Variants in EFL1 observed in about 807,000 individuals in gnomAD.
EFL1 encodes the protein elongation factor-like GTPase 1.
A neutral mutation model predicts 126.7 loss-of-function variants in EFL1; 76 were observed. The observed-to-expected ratio is 0.60, with a 90% CI of 0.50 to 0.73. The LOEUF (loss-of-function observed/expected upper bound fraction) is 0.73, where lower values mean the gene tolerates loss of function less well. EFL1 is among the 30% of genes least tolerant of loss of function. The pLI, the probability that EFL1 is intolerant of heterozygous loss-of-function variation, is 0.00. For missense variants in EFL1, 1,128 were observed against 1,343.2 expected, an observed-to-expected ratio of 0.84 and a Z score of 2.50; for synonymous variants, 410 against 448.4, an observed-to-expected ratio of 0.91 and a Z score of 1.08.
In EFL1 at chr15:82,243,730, C is replaced by T. The variant is rs535565345; in HGVS notation, c.245-2327G>A. Among the ~76,000 whole-genome samples, 980 of 143,088 alleles carry T rather than the reference C, an allele frequency of 6.8e-3. 4 individuals are homozygous for T. Among genetic ancestry groups the T allele is most frequent in the Non-Finnish European group, 0.012 (763 of 66,144 alleles). 93.9% of individuals were successfully genotyped at this position (143,088 alleles called of 152,430 possible). A position where few individuals can be genotyped will look rare whatever the true frequency, so the allele number is the denominator to read the frequency against. ...AGTTACAGACCTTTTAGGGAATAGTCAGAAAAACGAATACCTATCTACTTA... is the reference window on the plus strand; with the variant it reads ...AGTTACAGACCTTTTAGGGAATAGTTAGAAAAACGAATACCTATCTACTTA... On this transcript the variant is annotated intron_variant, in intron 4 of 19. Coordinates refer to ENST00000268206, the MANE Select transcript of EFL1 (RefSeq NM_024580.6).
chr15:82,132,457 C>G (rs150053176), intron 19 of EFL1, among the ~76,000 whole-genome samples: 2 of 152,138 alleles, frequency 1.3e-5, no homozygotes. Context: ...CATATTACCT[C>G]TCATGGACAC....
intron 4 of EFL1, among the ~76,000 whole-genome samples, chr15:82,244,207 G>GA (rs1356163515): frequency 6.6e-6 from 1 of 151,952 alleles, no homozygotes; most frequent in Non-Finnish European, 1.5e-5. Flanking sequence ...ATCCATTAGA[G>GA]AAAAAACGTC....
At chr15:82,244,044 A>G (rs2074949112) in intron 4 of EFL1, among the ~76,000 whole-genome samples, 1 of 152,134 alleles carries the variant, frequency 6.6e-6, no homozygotes, top group South Asian at 2.1e-4. Flanking sequence ...TAATGGTGAG[A>G]AGGAGGAAAT....
chr15:82,204,144 T>C (rs1701046153), intron 15 of EFL1, among the ~76,000 whole-genome samples: 1 of 152,212 alleles, frequency 6.6e-6, no homozygotes, highest in Admixed American at 6.5e-5. Flanking sequence ...ATTTCCTTGA[T>C]TACTTCACAT....
At chr15:82,248,712 T>C (rs2074995018) in intron 4 of EFL1, among the ~76,000 whole-genome samples, 1 of 152,138 alleles carries the variant, frequency 6.6e-6, no homozygotes, top group Admixed American at 6.5e-5. Context: ...AGCTAGACTA[T>C]ATGCCTAAGG....
intron 15 of EFL1, among the ~76,000 whole-genome samples, chr15:82,176,648 G>C (rs781286428): frequency 1.3e-5 from 2 of 152,048 alleles, no homozygotes; most frequent in African/African-American, 2.4e-5. Context: ...AAAATGACTC[G>C]AATGAAAGCA....
intron 15 of EFL1, among the ~76,000 whole-genome samples, chr15:82,189,124 C>T (rs1480857057): frequency 2.6e-5 from 4 of 152,076 alleles, no homozygotes; most frequent in African/African-American, 9.7e-5. Flanking sequence ...GACTACAAAC[C>T]TATACGCCGT....
At position 82,230,984 on chromosome 15, in the gene EFL1, C is replaced by A; in HGVS notation, c.732-13G>T. 1.2e-6 allele frequency: 2 copies of A among 1,607,616 alleles called. No homozygotes were observed. The highest frequency in any genetic ancestry group is 1.7e-5 in the Admixed American group (1 of 58,884). The stretch of plus-strand genomic sequence containing the variant: ...GAAGTGCTCAATTCTGAAAGAAGAC[C>A]AAATGTTCATGTTATTAATAACAAC... On this transcript the variant is annotated splice_polypyrimidine_tract_variant and intron_variant, in intron 7 of 19. Coordinates refer to ENST00000268206, the MANE Select transcript of EFL1 (RefSeq NM_024580.6).
chr15:82,238,944 C>A (rs915665146), intron 6 of EFL1, among the ~76,000 whole-genome samples: 5 of 152,104 alleles, frequency 3.3e-5, no homozygotes, highest in South Asian at 2.1e-4. Context: ...CTCTTCCCAA[C>A]TCCTAATCCT....
intron 7 of EFL1, among the ~76,000 whole-genome samples, chr15:82,235,051 G>C (rs1335408461): frequency 1.3e-5 from 2 of 152,082 alleles, no homozygotes; most frequent in African/African-American, 4.8e-5. Flanking sequence ...GAAGAAATAA[G>C]GATCCTTATA....
intron 18 of EFL1, among the ~76,000 whole-genome samples, chr15:82,150,479 G>C (rs1422307475): frequency 6.6e-6 from 1 of 152,132 alleles, no homozygotes; most frequent in Non-Finnish European, 1.5e-5. Flanking sequence ...GCCAGGTGCT[G>C]TTCTGGGCAC....
intron 15 of EFL1, among the ~76,000 whole-genome samples, chr15:82,207,811 C>T (rs2074541972): frequency 6.6e-6 from 1 of 151,362 alleles, no homozygotes; most frequent in South Asian, 2.1e-4. Context: ...ACCTCTGCCT[C>T]CCCCGGGTTC....
intron 6 of EFL1, among the ~76,000 whole-genome samples, chr15:82,239,222 T>C (rs181860854): frequency 5.6e-4 from 86 of 152,278 alleles, no homozygotes; most frequent in South Asian, 2.3e-3. Flanking sequence ...CCACACGCTC[T>C]GCCTCCCGGG....
intron 7 of EFL1, among the ~76,000 whole-genome samples, chr15:82,236,788 T>C (rs1235353322): frequency 6.6e-6 from 1 of 152,210 alleles, no homozygotes; most frequent in Non-Finnish European, 1.5e-5. Context: ...AACTTGACTC[T>C]AAAATCAAGA....
Position 82,152,115 on chromosome 15 carries a change from G to T in EFL1, c.2339C>A (p.Thr780Lys), listed in dbSNP as rs774451424. The T allele has an allele frequency of 4.6e-5, 74 of 1,614,032 alleles. No homozygotes were observed. Among genetic ancestry groups the T allele is most frequent in the Non-Finnish European group, 6.1e-5 (72 of 1,180,042 alleles). The change falls in exon 18 of 20, where the codon ACA (threonine) becomes AAA (lysine). Residue 780 changes from threonine (T) to lysine (K), a missense_variant. By Grantham distance (78) the Thr-to-Lys change is moderately conservative. Transcript: ENST00000268206. ...ATTTTCACCCTCATTCAAAGAGGAT[G>T]TCAACTGCTCCATAGAACGAATCAA... is the stretch of plus-strand genomic sequence containing the variant. ...SDLIRSMEQLTSSLNEGENTH... is the reference protein window; with the variant it reads ...SDLIRSMEQLKSSLNEGENTH...
At chr15:82,175,876 A>G (rs1278838770) in intron 15 of EFL1, among the ~76,000 whole-genome samples, 2 of 152,230 alleles carry the variant, frequency 1.3e-5, no homozygotes, top group Admixed American at 6.5e-5. Context: ...TTCAATGTAA[A>G]TAGGATGATA....
chr15:82,176,489 C>CA (rs1000136910), intron 15 of EFL1, among the ~76,000 whole-genome samples: 3 of 152,076 alleles, frequency 2.0e-5, no homozygotes, highest in Non-Finnish European at 4.4e-5. Context: ...TAAATCAATA[C>CA]AAAAAAGGCA....
At position 82,229,161 on chromosome 15, in the gene EFL1, T is replaced by C. The variant is rs4778985; in HGVS notation, c.856-51A>G. ...AGTTCCTGAACATTTAATAGGCATTTATATATTCCTTCTTGACATGCTTTT... is the reference window on the plus strand; with the variant it reads ...AGTTCCTGAACATTTAATAGGCATTCATATATTCCTTCTTGACATGCTTTT... On this transcript the variant is annotated intron_variant, in intron 8 of 19. Coordinates refer to ENST00000268206, the MANE Select transcript of EFL1 (RefSeq NM_024580.6). 757 of 1,347,086 alleles carry C rather than the reference T, an allele frequency of 5.6e-4. 7 individuals are homozygous for C. In the Admixed American group the frequency reaches 0.016, roughly 28 times the overall value. The allele number at this position is 1,347,086 out of a possible 1,614,324, so 83.4% of individuals were successfully genotyped here. A position where few individuals can be genotyped will look rare whatever the true frequency, so the allele number is the denominator to read the frequency against.
chr15:82,230,882 T>C lies in EFL1; in HGVS notation c.821A>G (p.Asn274Ser). 1 of 1,612,886 alleles carries C rather than the reference T, an allele frequency of 6.2e-7. No homozygotes were observed. Among genetic ancestry groups the C allele is most frequent in the Non-Finnish European group, 8.5e-7 (1 of 1,179,374 alleles). ...CTTCATGATCTTTTTAGCCTTCATA[T>C]TTATATAGTAATCTCCCCACAAGGT... is the stretch of plus-strand genomic sequence containing the variant. ...MKTLWGDYYI[N>S]MKAKKIMKGD... Residue 274 changes from asparagine to serine, a missense_variant, in exon 8 of 20, where the codon AAT becomes AGT. By Grantham distance (46) the Asn-to-Ser change is conservative. Around this residue, in one of 6 missense-constraint regions of EFL1, gnomAD observed 316 missense variants for 318.5 expected, o/e 0.99. Transcript: ENST00000268206.
Sources: allele counts gnomAD v4.1 joint callset (sites outside exome capture counted in the v4.1 genomes callset), GRCh38; gene constraint gnomAD v4.1.1; regional missense constraint gnomAD v4.1.1; transcripts MANE v1.5; gene names NCBI Gene and HGNC (gene_info 2026-07-23, HGNC 2026-07-21).